NIPA1: variants seen among roughly 807,000 people sequenced by gnomAD.
NIPA1 encodes the protein magnesium transporter NIPA1.
Under a neutral mutation model 23.9 loss-of-function variants are expected in NIPA1, and 13 were observed. The observed-to-expected ratio is 0.54, with a 90% confidence interval of 0.35 to 0.87. NIPA1 has a LOEUF of 0.87. NIPA1 is among the 40% of genes least tolerant of loss of function. The probability of loss-of-function intolerance (pLI) is 0.01; values close to 1 mark genes in which losing one functional copy is unlikely to be tolerated. For synonymous variants in NIPA1, 234 were observed against 202.9 expected (o/e 1.15, Z -1.30); for missense variants, 362 against 429.7 (o/e 0.84, Z 1.39).
intron 1 of NIPA1, among the ~76,000 whole-genome samples, chr15:22,806,841 T>C (rs1595638256): frequency 6.6e-6 from 1 of 152,232 alleles, no homozygotes; most frequent in Non-Finnish European, 1.5e-5. Flanking sequence ...GTGAGGAAGC[T>C]GGGCACACAG....
At chr15:22,821,208 G>A (rs1486471014) in intron 4 of NIPA1, among the ~76,000 whole-genome samples, 6 of 151,508 alleles carry the variant, frequency 4.0e-5, no homozygotes, top group Non-Finnish European at 5.9e-5. Flanking sequence ...CTCGTGATCC[G>A]CCCACCTCGC....
intron 1 of NIPA1, among the ~76,000 whole-genome samples, chr15:22,808,513 A>G (rs1290122228): frequency 2.0e-5 from 3 of 152,188 alleles, no homozygotes; most frequent in Non-Finnish European, 4.4e-5. Flanking sequence ...CACTTGGCTA[A>G]GCCAGTGTCC....
Position 22,820,303 on chromosome 15 carries a change from T to C in NIPA1, c.318-10T>C. 1.3e-6 allele frequency: 2 copies of C among 1,597,296 alleles called. No homozygotes were observed. Among genetic ancestry groups the C allele is most frequent in the East Asian group, 4.5e-5 (2 of 44,782 alleles). Reference sequence around the variant, plus strand: ...TTTAAACTTTAATGATTTCTCTTTTTTCAATAAAGGTCCATTTTAGCTTCC... The same window carrying C: ...TTTAAACTTTAATGATTTCTCTTTTCTCAATAAAGGTCCATTTTAGCTTCC... On this transcript the variant is annotated splice_polypyrimidine_tract_variant and intron_variant, in intron 3 of 4. Coordinates refer to ENST00000337435, the MANE Select transcript of NIPA1 (RefSeq NM_144599.5).
chr15:22,786,391 G>C (rs1167863931), upstream of NIPA1: 1 of 155,270 alleles, frequency 6.4e-6, no homozygotes, highest in African/African-American at 2.4e-5. Context: ...TTAACCAGGA[G>C]TCCTGCATTT....
intron 1 of NIPA1, among the ~76,000 whole-genome samples, chr15:22,810,352 A>G (rs1477032619): frequency 1.3e-5 from 2 of 152,186 alleles, no homozygotes; most frequent in Non-Finnish European, 1.5e-5. Flanking sequence ...GTCAAACCCT[A>G]TGATAATAAA....
rs780936246 is a variant in NIPA1, at chr15:22,824,372, A to G, written c.*133A>G. On this transcript the variant is annotated 3_prime_UTR_variant, in exon 5 of 5. Transcript: ENST00000337435. The surrounding 1 kb of genome is among the most constrained non-coding windows in gnomAD (Gnocchi z 4.1). ...TGGATAGTAACAGGTGGTCTGGTGG[A>G]TAGCGGGGAGCATGGCTCAGCACCA... is the stretch of plus-strand genomic sequence containing the variant. 8.0e-5 allele frequency: 68 copies of G among 855,240 alleles called. No individual in the cohort carries two copies. The highest frequency in any genetic ancestry group is 8.1e-5 in the Non-Finnish European group (42 of 515,390). The allele number at this position is 855,240 out of a possible 1,614,324, so 53.0% of individuals were successfully genotyped here. A position where few individuals can be genotyped will look rare whatever the true frequency, so the allele number is the denominator to read the frequency against.
Position 22,823,925 on chromosome 15 carries a change from G to T in NIPA1, c.676G>T (p.Ala226Ser). 6.8e-6 allele frequency: 11 copies of T among 1,614,238 alleles called. No homozygotes were observed. Among genetic ancestry groups the T allele is most frequent in the Non-Finnish European group, 9.3e-6 (11 of 1,180,034 alleles). Residue 226 changes from alanine to serine, a missense_variant, in exon 5 of 5, where the codon GCC becomes TCC. Ala to Ser is a moderately conservative substitution (Grantham distance 99). Coordinates refer to ENST00000337435, the MANE Select transcript of NIPA1 (RefSeq NM_144599.5). ...GCATAACAACCCGTCCAGTCAGAGA[G>T]CCCTCTGCCTGTGCCTGGTACTCCT... is the stretch of plus-strand genomic sequence containing the variant. ...ILHNNPSSQR[A>S]LCLCLVLLAV... is the part of the protein sequence containing the mutation.
intron 2 of NIPA1, 114 bp downstream of exon 2, chr15:22,810,910 C>T (rs1429018275): frequency 6.0e-6 from 5 of 830,968 alleles, no homozygotes; most frequent in Admixed American, 3.4e-5. Flanking sequence ...AAGAGGGTGT[C>T]GCGTGGCCTC....
intron 1 of NIPA1, among the ~76,000 whole-genome samples, chr15:22,809,248 G>A (rs556631341): frequency 2.0e-5 from 3 of 152,090 alleles, no homozygotes; most frequent in South Asian, 2.1e-4. Context: ...TTAGCCGCAC[G>A]TGGTGGTGCA....
intron 1 of NIPA1, among the ~76,000 whole-genome samples, chr15:22,789,299 G>A (rs1049630986): frequency 1.3e-5 from 2 of 152,230 alleles, no homozygotes; most frequent in Admixed American, 1.3e-4. Context: ...CTATATTATG[G>A]TTTTAAATTG....
chr15:22,801,116 C>G (rs549448308), intron 1 of NIPA1, among the ~76,000 whole-genome samples: 57 of 151,884 alleles, frequency 3.8e-4, no homozygotes, highest in African/African-American at 1.3e-3. Flanking sequence ...GAGCCCACCC[C>G]ATGTATGTCA....
chr15:22,786,598 C>T (rs1265512226), upstream of NIPA1: 111 of 690,766 alleles, frequency 1.6e-4, 1 homozygote, highest in African/African-American at 1.5e-3. Flanking sequence ...GGTCACCCCC[C>T]ATCCCGCCCC....
intron 3 of NIPA1, among the ~76,000 whole-genome samples, chr15:22,812,973 C>G (rs1180376319): frequency 6.6e-6 from 1 of 152,088 alleles, no homozygotes; most frequent in East Asian, 1.9e-4. Flanking sequence ...CCACCTCAGC[C>G]CAGGAAATTA....
intron 3 of NIPA1, chr15:22,814,175 A>G (rs1227933568): frequency 4.7e-6 from 5 of 1,064,388 alleles, no homozygotes; most frequent in Admixed American, 5.1e-5. Flanking sequence ...TCTTTTAAAC[A>G]GAATAAAACT....
intron 2 of NIPA1, among the ~76,000 whole-genome samples, chr15:22,811,747 C>A (rs138091560): frequency 6.3e-4 from 96 of 152,340 alleles, no homozygotes; most frequent in African/African-American, 1.9e-3. Flanking sequence ...TCTTGTGCGG[C>A]AGTACTGTAT....
At chr15:22,795,177 G>A (rs1222009913) in intron 1 of NIPA1, among the ~76,000 whole-genome samples, 1 of 152,186 alleles carries the variant, frequency 6.6e-6, no homozygotes, top group Non-Finnish European at 1.5e-5. Flanking sequence ...CTGACCCTGA[G>A]AGGAGATCAC....
intron 1 of NIPA1, among the ~76,000 whole-genome samples, chr15:22,789,185 C>T (rs1894777299): frequency 6.6e-6 from 1 of 151,840 alleles, no homozygotes; most frequent in South Asian, 2.1e-4. Flanking sequence ...GATGGGGTTT[C>T]ATCATGTTGG....
At position 22,825,802 on chromosome 15, in the gene NIPA1, C is replaced by T. The variant is rs72698098; in HGVS notation, c.*1563C>T. On this transcript the variant is annotated 3_prime_UTR_variant, in exon 5 of 5. Transcript: ENST00000337435. ...AGCATCCTAGAGTTCCTCAGCTAAC[C>T]TCTCATTATGTGTCTTAAATGCAAA... 0.095 allele frequency: 14,513 copies of T among 152,644 alleles called. 743 individuals are homozygous for T. The highest frequency in any genetic ancestry group is 0.26 in the Middle Eastern group (75 of 294). 9.5% of individuals were successfully genotyped at this position (152,644 alleles called of 1,614,324 possible).
At chr15:22,793,015 C>T (rs990932517) in intron 1 of NIPA1, among the ~76,000 whole-genome samples, 30 of 152,230 alleles carry the variant, frequency 2.0e-4, no homozygotes, top group Admixed American at 1.8e-3. Context: ...TGGCCAAGAT[C>T]ACACCACTGC....
Sources: gnomAD v4.1 joint callset for allele counts (sites outside exome capture counted in the v4.1 genomes callset) on GRCh38, gnomAD v4.1.1 for gene constraint, Gnocchi (gnomAD v3.1) non-coding constraint, MANE v1.5 for transcripts, NCBI Gene and HGNC (gene_info 2026-07-23, HGNC 2026-07-21) for gene names.